Variants in NR2C1 observed in about 807,000 individuals in gnomAD.
The protein encoded by NR2C1 is nuclear receptor subfamily 2 group C member 1.
A neutral mutation model predicts 74.8 loss-of-function variants in NR2C1; 33 were observed. That is an observed-to-expected ratio of 0.44 (90% CI 0.33 to 0.59). The LOEUF (loss-of-function observed/expected upper bound fraction) is 0.59. NR2C1 is among the 20% of genes least tolerant of loss of function. NR2C1 has a pLI of 0.02. For synonymous variants in NR2C1, 225 were observed against 240.6 expected (o/e 0.94, Z 0.60); for missense variants, 568 against 715.6 (o/e 0.79, Z 2.35).
In NR2C1 at chr12:95,041,269, C is replaced by T. The variant is rs557508909; in HGVS notation, c.1132-672G>A. 9.9e-5 allele frequency among the ~76,000 whole-genome samples: 15 copies of T among 152,166 alleles called. No homozygotes were observed. The South Asian group carries it at 2.7e-3, about 27-fold the overall frequency. ...TTGGGAGGTGGAGACAGGTGGATCA[C>T]GATGTCGAGAGATCGAGACCATCCC... On this transcript the variant is annotated intron_variant, in intron 9 of 13. Transcript: ENST00000333003.
intron 13 of NR2C1, among the ~76,000 whole-genome samples, chr12:95,024,430 C>T (rs983266330): frequency 3.3e-5 from 5 of 152,138 alleles, no homozygotes; most frequent in Non-Finnish European, 5.9e-5. Context: ...GGTACTCTGG[C>T]TCTATAACCA....
At chr12:95,072,228 A>T (rs1401598915) in intron 1 of NR2C1, among the ~76,000 whole-genome samples, 4 of 150,560 alleles carry the variant, frequency 2.7e-5, no homozygotes, top group Non-Finnish European at 4.4e-5. Context: ...GAGTATCAAG[A>T]CCATCCTGGC....
At chr12:95,058,034 C>T in intron 5 of NR2C1, 156 bp from the exon 6 acceptor site, 3 of 767,418 alleles carry the variant, frequency 3.9e-6, no homozygotes, top group Non-Finnish European at 6.1e-6. Flanking sequence ...TGTGCAAGTT[C>T]AACAAAGTTG....
At position 95,071,499 on chromosome 12, in the gene NR2C1, G is replaced by A. The variant is rs977160730; in HGVS notation, c.-8+1881C>T. Among the ~76,000 whole-genome samples the A allele has an allele frequency of 7.2e-5, 11 of 152,154 alleles. No individual in the cohort carries two copies. In the South Asian group the frequency reaches 1.5e-3, roughly 20 times the overall value. On this transcript the variant is annotated intron_variant, in intron 1 of 13. Coordinates refer to ENST00000333003, the MANE Select transcript of NR2C1 (RefSeq NM_003297.4). ...TCCCCAAGAGTAGGGATTATACATT[G>A]TGTGGCAGACACACAGACGGTGTGT...
intron 8 of NR2C1, among the ~76,000 whole-genome samples, chr12:95,050,818 A>C (rs1872893397): frequency 6.6e-6 from 1 of 152,084 alleles, no homozygotes; most frequent in African/African-American, 2.4e-5. Context: ...ATATTTACAG[A>C]ATAAAAAACA....
In NR2C1 at chr12:95,057,876, C is replaced by T. The variant is rs756063369; in HGVS notation, c.547G>A (p.Val183Ile). The change falls in exon 6 of 14, where the codon GTC (valine) becomes ATC (isoleucine). Residue 183 changes from valine to isoleucine, a missense_variant and splice_region_variant. Val to Ile is a conservative substitution (Grantham distance 29). Around this residue, in one of 6 missense-constraint regions of NR2C1, gnomAD observed 239 missense variants for 232.3 expected, o/e 1.03. Transcript: ENST00000333003. ...TCAATGGGTTTTCTTTCACATTGGA[C>T]AGCTACAAAAATGTGTTAAACTATT... Reference protein sequence around the residue: ...CIAFGMKQDSVQCERKPIEVS... With the variant: ...CIAFGMKQDSIQCERKPIEVS... 11 of 1,611,672 alleles carry T rather than the reference C, an allele frequency of 6.8e-6. No individual in the cohort carries two copies. Among genetic ancestry groups the T allele is most frequent in the Non-Finnish European group, 9.3e-6 (11 of 1,178,254 alleles).
chr12:95,040,371 T>C, intron 10 of NR2C1, 105 bp downstream of exon 10: 2 of 1,072,552 alleles, frequency 1.9e-6, no homozygotes, highest in Middle Eastern at 2.2e-4. Flanking sequence ...TATAATGTTA[T>C]ACTGTTTTTT....
At chr12:95,030,794 A>T in intron 11 of NR2C1, 1 of 1,613,340 alleles carries the variant, frequency 6.2e-7, no homozygotes, top group Non-Finnish European at 8.5e-7. Context: ...GGTAGTCATA[A>T]GCCATTCTAT....
intron 10 of NR2C1, among the ~76,000 whole-genome samples, chr12:95,031,869 A>G (rs1870153903): frequency 6.6e-6 from 1 of 152,192 alleles, no homozygotes. Context: ...GAGCAATTCA[A>G]ATTATTTTAT....
intron 11 of NR2C1, among the ~76,000 whole-genome samples, chr12:95,030,094 T>C (rs1006219590): frequency 6.6e-6 from 1 of 152,114 alleles, no homozygotes; most frequent in Non-Finnish European, 1.5e-5. Flanking sequence ...CAGGCTAGTC[T>C]CGAACTCCTA....
At chr12:95,048,337 C>T (rs779031300) in intron 9 of NR2C1, among the ~76,000 whole-genome samples, 1 of 152,146 alleles carries the variant, frequency 6.6e-6, no homozygotes, top group African/African-American at 2.4e-5. Flanking sequence ...TTATTGATTA[C>T]GATATAGTAG....
rs550290957 is a variant in NR2C1, at chr12:95,031,082, A to G, written c.1393+267T>C. ...ACATAAGCTCACCCTGGATTCTTTG[A>G]TAGTTGCACAAAAATTCACAAGGCC... is the stretch of plus-strand genomic sequence containing the variant. On this transcript the variant is annotated intron_variant, in intron 11 of 13. Coordinates refer to ENST00000333003, the MANE Select transcript of NR2C1 (RefSeq NM_003297.4). 1.2e-3 allele frequency among the ~76,000 whole-genome samples: 178 copies of G among 152,332 alleles called. 2 individuals are homozygous for G. The South Asian group carries it at 0.022, about 18-fold the overall frequency.
At chr12:95,057,491 G>T in intron 7 of NR2C1, 62 bp downstream of exon 7, 1 of 1,186,444 alleles carries the variant, frequency 8.4e-7, no homozygotes, top group Non-Finnish European at 1.2e-6. Flanking sequence ...AGCAAAGGAA[G>T]TGATTAGAAA....
At chr12:95,038,966 G>A (rs1429377225) in intron 10 of NR2C1, among the ~76,000 whole-genome samples, 1 of 152,048 alleles carries the variant, frequency 6.6e-6, no homozygotes, top group Non-Finnish European at 1.5e-5. Context: ...ACTGGACGTT[G>A]GGCGAGGTGG....
intron 2 of NR2C1, 39 bp from the exon 3 acceptor site, chr12:95,062,777 ATT>A (rs1565873516): frequency 6.7e-7 from 1 of 1,495,196 alleles, no homozygotes; most frequent in South Asian, 1.1e-5. Flanking sequence ...AAACTCAATA[ATT>A]TTTCTTTAAT....
At chr12:95,059,330 G>C (rs1874395191) in intron 4 of NR2C1, among the ~76,000 whole-genome samples, 1 of 151,358 alleles carries the variant, frequency 6.6e-6, no homozygotes, top group South Asian at 2.1e-4. Context: ...TTTTTTACAT[G>C]TTCACTTTCA....
chr12:95,066,672 T>C (rs1450595652), intron 2 of NR2C1, among the ~76,000 whole-genome samples: 3 of 152,160 alleles, frequency 2.0e-5, no homozygotes, highest in Non-Finnish European at 4.4e-5. Context: ...TTTGTAACAT[T>C]ATACACTGGT....
intron 10 of NR2C1, among the ~76,000 whole-genome samples, chr12:95,039,593 AT>A (rs1204296201): frequency 1.3e-5 from 2 of 152,158 alleles, no homozygotes; most frequent in Non-Finnish European, 2.9e-5. Context: ...ATAGTAGGCC[AT>A]TTTCTATCTC....
intron 7 of NR2C1, among the ~76,000 whole-genome samples, chr12:95,055,778 CCT>C (rs1347058877): frequency 1.3e-5 from 2 of 151,696 alleles, no homozygotes; most frequent in African/African-American, 4.8e-5. Context: ...ATGGTGAAAC[CCT>C]GTCTCTACTA....
Sources: allele counts gnomAD v4.1 joint callset (sites outside exome capture counted in the v4.1 genomes callset), GRCh38; gene constraint gnomAD v4.1.1; regional missense constraint gnomAD v4.1.1; transcripts MANE v1.5; gene names NCBI Gene and HGNC (gene_info 2026-07-23, HGNC 2026-07-21).